BTRC: variants seen among roughly 807,000 people sequenced by gnomAD.
The protein encoded by BTRC is beta-transducin repeat containing E3 ubiquitin protein ligase.
In BTRC, 42 loss-of-function variants were observed where a neutral mutation model predicts 85.5. That is an observed-to-expected ratio of 0.49 (90% CI 0.38 to 0.64). BTRC has a LOEUF of 0.64. Among genes scored for constraint, BTRC ranks in the 30% least tolerant of loss-of-function variants. The pLI is 0.00. For missense variants in BTRC, 594 were observed against 743.5 expected (o/e 0.80, Z 2.34); for synonymous variants, 255 against 263.3 (o/e 0.97, Z 0.30).
At chr10:101,380,476 T>C (rs947248768) in intron 1 of BTRC, among the ~76,000 whole-genome samples, 1 of 151,652 alleles carries the variant, frequency 6.6e-6, no homozygotes, top group Non-Finnish European at 1.5e-5. Context: ...ACTTGGAGGG[T>C]TGCACAGCAG....
chr10:101,437,918 G>C (rs1268984978), intron 2 of BTRC, among the ~76,000 whole-genome samples: 1 of 152,128 alleles, frequency 6.6e-6, no homozygotes, highest in Non-Finnish European at 1.5e-5. Flanking sequence ...TCAAGATTCA[G>C]CTCAAGCTGA....
Position 101,363,492 on chromosome 10 carries a change from T to C in BTRC, c.48+9264T>C, listed in dbSNP as rs542495072. Among the ~76,000 whole-genome samples the C allele has an allele frequency of 5.9e-5, 9 of 152,250 alleles. No individual in the cohort carries two copies. In the South Asian group the frequency reaches 1.9e-3, roughly 32 times the overall value. ...TCTTTTTTTTGAGATGGAGTCTTAC[T>C]CTGTCACCCAGGCTGGAGTGCAGTA... On this transcript the variant is annotated intron_variant, in intron 1 of 14. Coordinates refer to ENST00000370187, the MANE Select transcript of BTRC (RefSeq NM_033637.4).
At chr10:101,525,908 G>A (rs185691203) in intron 5 of BTRC, 105 bp from the exon 6 acceptor site, 684 of 1,091,988 alleles carry the variant, frequency 6.3e-4, no homozygotes, top group Non-Finnish European at 8.3e-4. Flanking sequence ...ACAATGATGT[G>A]CCTTCATAGC....
intron 4 of BTRC, among the ~76,000 whole-genome samples, chr10:101,514,477 TGA>T (rs2061996481): frequency 7.1e-6 from 1 of 141,170 alleles, no homozygotes; most frequent in Non-Finnish European, 1.6e-5. Context: ...TTTTTTTTTT[TGA>T]GAAAGCTCTG....
intron 14 of BTRC, among the ~76,000 whole-genome samples, chr10:101,552,286 T>C (rs2062663370): frequency 6.6e-6 from 1 of 151,824 alleles, no homozygotes; most frequent in Non-Finnish European, 1.5e-5. Flanking sequence ...CCTCCTGGGC[T>C]CAAGTGATTC....
intron 4 of BTRC, among the ~76,000 whole-genome samples, chr10:101,484,282 C>T (rs973471127): frequency 1.3e-5 from 2 of 152,086 alleles, no homozygotes; most frequent in African/African-American, 2.4e-5. Context: ...AAATTATATC[C>T]GCAGGAAACA....
intron 1 of BTRC, among the ~76,000 whole-genome samples, chr10:101,429,521 T>G (rs1380067172): frequency 1.9e-5 from 1 of 53,678 alleles, no homozygotes; most frequent in African/African-American, 7.5e-5. Flanking sequence ...CTCCCCTCCC[T>G]CCCTTCCTCC....
At chr10:101,468,138 A>G (rs772184088) in intron 3 of BTRC, among the ~76,000 whole-genome samples, 8 of 152,160 alleles carry the variant, frequency 5.3e-5, no homozygotes, top group Non-Finnish European at 1.0e-4. Context: ...AGGAAGGAAG[A>G]CCGTATGGGG....
At chr10:101,411,162 T>C (rs900466524) in intron 1 of BTRC, among the ~76,000 whole-genome samples, 1 of 152,008 alleles carries the variant, frequency 6.6e-6, no homozygotes, top group East Asian at 1.9e-4. Flanking sequence ...CGCCTGGCTA[T>C]TTTGTTTTTT....
chr10:101,377,618 C>T (rs1173853225), intron 1 of BTRC, among the ~76,000 whole-genome samples: 2 of 152,064 alleles, frequency 1.3e-5, no homozygotes, highest in Non-Finnish European at 2.9e-5. Flanking sequence ...TTTGTATTTC[C>T]CTAATGCATT....
rs1471017781 is a variant in BTRC at position 101,389,115 on chromosome 10, G to GTTTTTTTTTTTTTTTTTT, written c.48+34888_48+34889insTTTTTTTTTTTTTTTTTT. Among the ~76,000 whole-genome samples, 12 of 35,470 alleles carry GTTTTTTTTTTTTTTTTTT rather than the reference G, an allele frequency of 3.4e-4. 4 individuals carry two copies. The highest frequency in any genetic ancestry group is 4.4e-4 in the Non-Finnish European group (9 of 20,254). The allele number at this position is 35,470 out of a possible 152,430, so 23.3% of individuals were successfully genotyped here. On this transcript the variant is annotated intron_variant, in intron 1 of 14. Transcript: ENST00000370187. ...ATGTTGCATAATTGTGATTTTTTGT[G>GTTTTTTTTTTTTTTTTTT]TGTGTTTTTTTTTTTTTTTTTTTTT...
chr10:101,398,061 G>A (rs1471498386), intron 1 of BTRC, among the ~76,000 whole-genome samples: 1 of 152,142 alleles, frequency 6.6e-6, no homozygotes, highest in Non-Finnish European at 1.5e-5. Context: ...TCAGCAGCTG[G>A]CTGCTTGCAC....
chr10:101,469,914 A>T (rs1186889065), intron 3 of BTRC, among the ~76,000 whole-genome samples: 1 of 152,194 alleles, frequency 6.6e-6, no homozygotes, highest in Admixed American at 6.5e-5. Flanking sequence ...GTTGCTGTGT[A>T]TATCAGTAGT....
intron 2 of BTRC, among the ~76,000 whole-genome samples, chr10:101,438,591 A>G (rs1038459909): frequency 6.6e-6 from 1 of 152,172 alleles, no homozygotes; most frequent in Non-Finnish European, 1.5e-5. Flanking sequence ...AAAAGAAAGT[A>G]CATAATTAGT....
chr10:101,401,669 A>T (rs556940445), intron 1 of BTRC, among the ~76,000 whole-genome samples: 2 of 152,044 alleles, frequency 1.3e-5, no homozygotes, highest in Non-Finnish European at 2.9e-5. Context: ...AAATACAAAT[A>T]TTGAGTGAAT....
intron 1 of BTRC, among the ~76,000 whole-genome samples, chr10:101,379,457 A>G (rs767583472): frequency 7.9e-5 from 12 of 152,206 alleles, no homozygotes; most frequent in Non-Finnish European, 1.6e-4. Context: ...TTCTTTTTCA[A>G]TGTGTCTTTA....
At chr10:101,421,740 T>C (rs1014806918) in intron 1 of BTRC, among the ~76,000 whole-genome samples, 1 of 151,334 alleles carries the variant, frequency 6.6e-6, no homozygotes, top group African/African-American at 2.4e-5. Context: ...TTTGTCCTTG[T>C]GATAGTTTGC....
At chr10:101,538,770 G>A (rs893274563) in intron 13 of BTRC, among the ~76,000 whole-genome samples, 3 of 152,046 alleles carry the variant, frequency 2.0e-5, no homozygotes, top group African/African-American at 7.2e-5. Flanking sequence ...CCTGGGGGCC[G>A]GGTGCGGTGG....
chr10:101,508,951 T>C (rs1349423414), intron 4 of BTRC, among the ~76,000 whole-genome samples: 1 of 139,884 alleles, frequency 7.1e-6, no homozygotes, highest in Middle Eastern at 3.8e-3. Context: ...AAGTAGAATG[T>C]TAAAAGTTAT....
Sources: gnomAD v4.1 joint callset for allele counts (sites outside exome capture counted in the v4.1 genomes callset) on GRCh38, gnomAD v4.1.1 for gene constraint, MANE v1.5 for transcripts, NCBI Gene and HGNC (gene_info 2026-07-23, HGNC 2026-07-21) for gene names.